Variants in RALYL observed in about 807,000 individuals in gnomAD.
RALYL encodes the protein RNA-binding Raly-like protein.
In RALYL, 29 loss-of-function variants were observed where a neutral mutation model predicts 35.1. The ratio of observed to expected loss-of-function variants is 0.83; its 90% CI spans 0.61 to 1.13. The LOEUF (loss-of-function observed/expected upper bound fraction) is 1.13. RALYL is among the 50% of genes most tolerant of loss of function. RALYL has a pLI of 0.00. For missense variants in RALYL, 359 were observed against 360.4 expected (o/e 1.00, Z 0.03); for synonymous variants, 120 against 127.6 (o/e 0.94, Z 0.40).
At position 84,425,168 on chromosome 8, in the gene RALYL, T is replaced by A. The variant is rs971083327; in HGVS notation, c.-23-104131T>A. On this transcript the variant is annotated intron_variant, in intron 1 of 8. Transcript: ENST00000521268. ...CCCAGCCTCGCTGCTACCTTGCAGT[T>A]TGATCTCAGACTGCTGTGCTAGCAA... Among the ~76,000 whole-genome samples, 20 of 152,270 alleles carry A rather than the reference T, an allele frequency of 1.3e-4. 2 individuals are homozygous for A. In the South Asian group the frequency reaches 3.3e-3, roughly 25 times the overall value.
chr8:84,677,610 GA>G (rs1321987031), intron 2 of RALYL, among the ~76,000 whole-genome samples: 2 of 152,050 alleles, frequency 1.3e-5, no homozygotes, highest in African/African-American at 4.8e-5. Flanking sequence ...ACTGGAAATA[GA>G]AAAGAATAAA....
chr8:84,290,983 T>C (rs960429621), intron 1 of RALYL, among the ~76,000 whole-genome samples: 6 of 149,316 alleles, frequency 4.0e-5, no homozygotes, highest in African/African-American at 1.5e-4. Context: ...CTTTTCCATA[T>C]CTATTACTTT....
intron 1 of RALYL, among the ~76,000 whole-genome samples, chr8:84,372,277 G>T (rs1416576474): frequency 2.0e-5 from 3 of 152,000 alleles, no homozygotes; most frequent in Non-Finnish European, 4.4e-5. Flanking sequence ...AAAAGGGCAG[G>T]TATTTGCCTT....
chr8:84,728,368 A>G (rs1360908797), intron 2 of RALYL, among the ~76,000 whole-genome samples: 1 of 151,838 alleles, frequency 6.6e-6, no homozygotes, highest in Non-Finnish European at 1.5e-5. Context: ...TAGATTCTGG[A>G]TATTAGCCCT....
At chr8:84,757,472 G>A (rs1811705419) in intron 2 of RALYL, among the ~76,000 whole-genome samples, 2 of 152,154 alleles carry the variant, frequency 1.3e-5, no homozygotes, top group South Asian at 4.1e-4. Context: ...ATTCATACAT[G>A]GAGGAGATGA....
At chr8:84,785,786 G>A (rs1385705291) in intron 3 of RALYL, among the ~76,000 whole-genome samples, 4 of 152,104 alleles carry the variant, frequency 2.6e-5, no homozygotes, top group Non-Finnish European at 4.4e-5. Context: ...TGTTCACAAA[G>A]TGTTAATAAT....
intron 1 of RALYL, among the ~76,000 whole-genome samples, chr8:84,348,011 T>G (rs1850174383): frequency 6.6e-6 from 1 of 152,096 alleles, no homozygotes; most frequent in Non-Finnish European, 1.5e-5. Flanking sequence ...TTTGCTTTTT[T>G]TGGGCATGGT....
At chr8:84,211,091 C>A (rs1819390084) in intron 1 of RALYL, among the ~76,000 whole-genome samples, 1 of 152,038 alleles carries the variant, frequency 6.6e-6, no homozygotes, top group African/African-American at 2.4e-5. Context: ...TTTATATAAT[C>A]CCTGAAAGAT....
At chr8:84,545,867 G>A (rs1163892938) in intron 2 of RALYL, among the ~76,000 whole-genome samples, 3 of 152,090 alleles carry the variant, frequency 2.0e-5, no homozygotes, top group Admixed American at 1.3e-4. Context: ...ATATCTACAA[G>A]TAAAGATATC....
At chr8:84,233,028 T>C (rs1252490827) in intron 1 of RALYL, among the ~76,000 whole-genome samples, 1 of 152,138 alleles carries the variant, frequency 6.6e-6, no homozygotes, top group East Asian at 1.9e-4. Context: ...CCATCCAGAC[T>C]AGAATGTGGT....
chr8:84,682,654 G>T (rs551141362), intron 2 of RALYL, among the ~76,000 whole-genome samples: 2 of 152,178 alleles, frequency 1.3e-5, no homozygotes, highest in Admixed American at 1.3e-4. Context: ...TTCTCTGATG[G>T]TATTTTGTAT....
chr8:84,484,096 C>A (rs1443354976), intron 1 of RALYL, among the ~76,000 whole-genome samples: 1 of 152,018 alleles, frequency 6.6e-6, no homozygotes, highest in African/African-American at 2.4e-5. Flanking sequence ...CCTTAGAAAT[C>A]AAGAGAAAAG....
At chr8:84,574,550 C>T (rs1808848183) in intron 2 of RALYL, among the ~76,000 whole-genome samples, 1 of 152,060 alleles carries the variant, frequency 6.6e-6, no homozygotes, top group African/African-American at 2.4e-5. Context: ...CTAATTATCC[C>T]TCTCTCTACC....
At chr8:84,315,522 G>T (rs1388945319) in intron 1 of RALYL, among the ~76,000 whole-genome samples, 1 of 152,058 alleles carries the variant, frequency 6.6e-6, no homozygotes, top group Non-Finnish European at 1.5e-5. Context: ...AGAATTGTAG[G>T]TTAGGAAACT....
chr8:84,262,714 A>G (rs1432281857), intron 1 of RALYL, among the ~76,000 whole-genome samples: 2 of 152,192 alleles, frequency 1.3e-5, no homozygotes, highest in African/African-American at 2.4e-5. Flanking sequence ...TGATCTATTA[A>G]TGGGTCATGA....
intron 1 of RALYL, among the ~76,000 whole-genome samples, chr8:84,403,811 A>T (rs573423545): frequency 6.6e-6 from 1 of 152,140 alleles, no homozygotes; most frequent in South Asian, 2.1e-4. Flanking sequence ...CTTCCTATCC[A>T]TGAGCATGGA....
chr8:84,916,393 C>A (rs1848486331), intron 8 of RALYL, among the ~76,000 whole-genome samples: 1 of 151,502 alleles, frequency 6.6e-6, no homozygotes, highest in Non-Finnish European at 1.5e-5. Flanking sequence ...GTGTCCCCAC[C>A]CAAATCTCAT....
intron 1 of RALYL, among the ~76,000 whole-genome samples, chr8:84,224,856 C>A (rs932920455): frequency 3.3e-5 from 5 of 152,070 alleles, no homozygotes; most frequent in African/African-American, 1.2e-4. Context: ...AGGGTTTCAC[C>A]ATATTGGCTA....
intron 2 of RALYL, among the ~76,000 whole-genome samples, chr8:84,732,663 A>ATT (rs1846400350): frequency 9.6e-6 from 1 of 104,214 alleles, no homozygotes; most frequent in Non-Finnish European, 1.9e-5. Context: ...ATAATTATTA[A>ATT]ATAATTATAT....
Sources: gnomAD v4.1 joint callset for allele counts (sites outside exome capture counted in the v4.1 genomes callset) on GRCh38, gnomAD v4.1.1 for gene constraint, MANE v1.5 for transcripts, NCBI Gene and HGNC (gene_info 2026-07-23, HGNC 2026-07-21) for gene names.